PPP1R42: variants seen among roughly 807,000 people sequenced by gnomAD.
The protein encoded by PPP1R42 is protein phosphatase 1 regulatory subunit 42.
PPP1R42 carries 34 observed loss-of-function variants against 31.0 expected under a neutral mutation model. That is an observed-to-expected ratio of 1.10 (90% CI 0.83 to 1.46). PPP1R42 has a LOEUF of 1.46. PPP1R42 is among the 40% of genes most tolerant of loss of function. The probability of loss-of-function intolerance (pLI) is 0.00; values close to 1 mark genes in which losing one functional copy is unlikely to be tolerated. For missense variants in PPP1R42, 268 were observed against 303.0 expected (o/e 0.88, Z 0.86); for synonymous variants, 103 against 109.8 (o/e 0.94, Z 0.39).
Position 67,003,951 on chromosome 8 carries a change from G to A in PPP1R42, c.552+6764C>T, listed in dbSNP as rs940439997. ...TAAAAGTACAAAAAATTAGCCGGGC[G>A]TGGTGGCGGGCGCCTGTAGTCCCAG... is the stretch of plus-strand genomic sequence containing the variant. On this transcript the variant is annotated intron_variant, in intron 5 of 7. Transcript: ENST00000685739. Among the ~76,000 whole-genome samples, 9 of 152,148 alleles carry A rather than the reference G, an allele frequency of 5.9e-5. No individual in the cohort carries two copies. In the South Asian group the frequency reaches 6.2e-4, roughly 11 times the overall value.
At chr8:66,982,390 G>C (rs571202220) in intron 6 of PPP1R42, among the ~76,000 whole-genome samples, 1 of 152,096 alleles carries the variant, frequency 6.6e-6, no homozygotes, top group Admixed American at 6.6e-5. Context: ...ATATGTGCTT[G>C]TTATAAACAA....
chr8:67,012,895 C>T, intron 4 of PPP1R42, 63 bp downstream of exon 4: 1 of 1,456,132 alleles, frequency 6.9e-7, no homozygotes, highest in Non-Finnish European at 9.2e-7. Context: ...TCACCACATT[C>T]CTGTTTCATT....
At chr8:66,992,233 A>G (rs1203959278) in intron 5 of PPP1R42, among the ~76,000 whole-genome samples, 1 of 152,198 alleles carries the variant, frequency 6.6e-6, no homozygotes, top group Non-Finnish European at 1.5e-5. Flanking sequence ...CCAATGTATG[A>G]AAAGGCTGTT....
chr8:66,984,666 G>A, intron 6 of PPP1R42: 1 of 1,471,112 alleles, frequency 6.8e-7, no homozygotes, highest in South Asian at 1.1e-5. Flanking sequence ...GTTTTGCTGT[G>A]AGTTTTCAGG....
chr8:67,017,898 A>G, intron 1 of PPP1R42, 67 bp from the exon 2 acceptor site: 1 of 770,946 alleles, frequency 1.3e-6, no homozygotes, highest in Non-Finnish European at 1.8e-6. Flanking sequence ...ATTCTGACTT[A>G]CTCTTTAAAT....
chr8:66,991,145 A>G (rs1815177700), intron 5 of PPP1R42, among the ~76,000 whole-genome samples: 2 of 152,160 alleles, frequency 1.3e-5, no homozygotes, highest in Admixed American at 6.5e-5. Context: ...GATTTAGCAA[A>G]CTTTACAGAC....
intron 6 of PPP1R42, chr8:66,984,451 C>G: frequency 7.8e-7 from 1 of 1,284,556 alleles, no homozygotes; most frequent in Non-Finnish European, 1.1e-6. Context: ...CACGTTGACA[C>G]CCTTGTGCAG....
At chr8:67,010,946 T>C (rs1310765187) in intron 4 of PPP1R42, 115 bp from the exon 5 acceptor site, 3 of 977,646 alleles carry the variant, frequency 3.1e-6, no homozygotes, top group Non-Finnish European at 4.2e-6. Flanking sequence ...TGTTTTGTTC[T>C]TTAGGCAAAA....
intron 6 of PPP1R42, chr8:66,985,948 CCTT>C (rs1264118727): frequency 2.3e-5 from 18 of 774,062 alleles, no homozygotes; most frequent in Non-Finnish European, 3.7e-5. Flanking sequence ...TCACCAAACA[CCTT>C]CTTTAGCTTT....
chr8:66,985,617 C>T (rs1814985330), intron 6 of PPP1R42: 16 of 1,374,000 alleles, frequency 1.2e-5, no homozygotes, highest in Non-Finnish European at 1.3e-5. Flanking sequence ...CAGCTGTTTT[C>T]CTTGCCTTCT....
At position 66,970,946 on chromosome 8, in the gene PPP1R42, A is replaced by G. The variant is rs576864187; in HGVS notation, c.803-6612T>C. The G allele has an allele frequency of 2.1e-6, 3 of 1,449,704 alleles. No homozygotes were observed. The South Asian group carries it at 3.7e-5, about 18-fold the overall frequency. The allele number at this position is 1,449,704 out of a possible 1,614,324, so 89.8% of individuals were successfully genotyped here. A position where few individuals can be genotyped will look rare whatever the true frequency, so the allele number is the denominator to read the frequency against. On this transcript the variant is annotated intron_variant, in intron 7 of 7. Transcript: ENST00000685739. ...GTGAAGATGTCTCCTCCCCACCAAA[A>G]AGATAAAGTCACATAAATATTTGAA...
chr8:67,005,842 G>GT (rs1269891254), intron 5 of PPP1R42, among the ~76,000 whole-genome samples: 2,076 of 144,556 alleles, frequency 0.014, 14 homozygotes, highest in Non-Finnish European at 0.017. Context: ...ATAGAGAATT[G>GT]TTTTTTTTTT....
chr8:66,987,632 T>C (rs776932224), intron 6 of PPP1R42, among the ~76,000 whole-genome samples: 4 of 152,166 alleles, frequency 2.6e-5, no homozygotes, highest in Non-Finnish European at 5.9e-5. Context: ...TGAACATGGT[T>C]GAAGACTGGG....
intron 2 of PPP1R42, among the ~76,000 whole-genome samples, chr8:67,015,787 A>G (rs980895666): frequency 2.0e-5 from 3 of 152,144 alleles, no homozygotes; most frequent in Non-Finnish European, 4.4e-5. Context: ...TTCTTGTGTC[A>G]TGGCAGAGAT....
chr8:67,024,470 A>C (rs1367797390), intron 1 of PPP1R42, among the ~76,000 whole-genome samples: 3 of 145,570 alleles, frequency 2.1e-5, no homozygotes, highest in Non-Finnish European at 4.5e-5. Context: ...TCATGCCACC[A>C]TGCCAGCTAA....
chr8:67,008,506 G>A (rs1395177458), intron 5 of PPP1R42, among the ~76,000 whole-genome samples: 3 of 152,086 alleles, frequency 2.0e-5, no homozygotes, highest in Non-Finnish European at 2.9e-5. Flanking sequence ...TTAGGAGTTC[G>A]AGACCAGTCT....
At chr8:66,980,594 C>T (rs1260009713) in intron 7 of PPP1R42, among the ~76,000 whole-genome samples, 1 of 152,124 alleles carries the variant, frequency 6.6e-6, no homozygotes, top group African/African-American at 2.4e-5. Context: ...TCCACCCGTG[C>T]TCCTCCTCAT....
chr8:66,975,832 T>C (rs1814654950), intron 7 of PPP1R42, among the ~76,000 whole-genome samples: 1 of 152,148 alleles, frequency 6.6e-6, no homozygotes, highest in Admixed American at 6.5e-5. Flanking sequence ...GAAATTAGCA[T>C]ATACATCATC....
In PPP1R42 at chr8:66,984,760, G is replaced by T. The variant is rs1814952200; in HGVS notation, c.671-2580C>A. On this transcript the variant is annotated intron_variant, in intron 6 of 7. Transcript: ENST00000685739. ...TTCTACCTTCGTGGGGTCTTGAACA[G>T]CTTCTGTTCCTAATACTCGCATCAA... is the stretch of plus-strand genomic sequence containing the variant. 1.2e-5 allele frequency: 19 copies of T among 1,608,630 alleles called. 1 individual carries two copies. In the South Asian group the frequency reaches 2.1e-4, roughly 18 times the overall value.
Sources: allele counts gnomAD v4.1 joint callset (sites outside exome capture counted in the v4.1 genomes callset), GRCh38; gene constraint gnomAD v4.1.1; transcripts MANE v1.5; gene names NCBI Gene and HGNC (gene_info 2026-07-23, HGNC 2026-07-21).